Variants in ZBTB46 observed in about 807,000 individuals in gnomAD.
The protein encoded by ZBTB46 is zinc finger and BTB domain-containing protein 46.
In ZBTB46, 8 loss-of-function variants were observed where a neutral mutation model predicts 44.1. That is an observed-to-expected ratio of 0.18 (90% CI 0.11 to 0.33). ZBTB46 has a LOEUF of 0.33. ZBTB46 is among the 10% of genes least tolerant of loss of function. The pLI, the probability that ZBTB46 is intolerant of heterozygous loss-of-function variation, is 1.00. For synonymous variants in ZBTB46, 409 were observed against 382.3 expected (o/e 1.07, Z -0.81); for missense variants, 651 against 847.7 (o/e 0.77, Z 2.88).
At chr20:63,755,610 C>T (rs113394673) in intron 3 of ZBTB46, among the ~76,000 whole-genome samples, 5 of 152,296 alleles carry the variant, frequency 3.3e-5, no homozygotes, top group African/African-American at 7.2e-5. Flanking sequence ...AGGATCAGGA[C>T]GGAGTGTTCA....
chr20:63,793,226 G>C (rs977024087), intron 1 of ZBTB46, among the ~76,000 whole-genome samples: 13 of 152,208 alleles, frequency 8.5e-5, no homozygotes, highest in Admixed American at 7.9e-4. Flanking sequence ...GTGTGGGTGC[G>C]AGCAGAACAA....
At chr20:63,748,034 C>T (rs2092121570) in intron 4 of ZBTB46, among the ~76,000 whole-genome samples, 1 of 152,222 alleles carries the variant, frequency 6.6e-6, no homozygotes, top group African/African-American at 2.4e-5. Context: ...CACACCTCAG[C>T]CTGGCTGCGT....
At chr20:63,766,500 G>A (rs1336112217) in intron 3 of ZBTB46, among the ~76,000 whole-genome samples, 10 of 148,262 alleles carry the variant, frequency 6.7e-5, no homozygotes, top group Non-Finnish European at 1.0e-4. Context: ...ACAGGCATGA[G>A]CCACTGCACC....
At chr20:63,814,281 A>C (rs1321576632) in intron 1 of ZBTB46, among the ~76,000 whole-genome samples, 1 of 151,960 alleles carries the variant, frequency 6.6e-6, no homozygotes, top group African/African-American at 2.4e-5. Context: ...AAGAAAAAAC[A>C]GTGGGAGAGA....
At chr20:63,831,452 C>A (rs1376147713), upstream of ZBTB46, among the ~76,000 whole-genome samples, 2 of 144,482 alleles carry the variant, frequency 1.4e-5, no homozygotes, top group Non-Finnish European at 3.1e-5. Flanking sequence ...CCTCGCTCGG[C>A]TCCCGGCGCC....
chr20:63,797,222 A>C (rs938305936), intron 1 of ZBTB46, among the ~76,000 whole-genome samples: 1 of 134,914 alleles, frequency 7.4e-6, no homozygotes, highest in Non-Finnish European at 1.5e-5. Flanking sequence ...CTCATTGTTC[A>C]ATTCCCACCT....
intron 1 of ZBTB46, among the ~76,000 whole-genome samples, chr20:63,817,139 G>A (rs925236527): frequency 6.6e-6 from 1 of 151,928 alleles, no homozygotes; most frequent in Non-Finnish European, 1.5e-5. Context: ...AAAGGAAAGG[G>A]CCAGATGTGG....
chr20:63,796,460 C>T (rs1044754221), intron 1 of ZBTB46, among the ~76,000 whole-genome samples: 1 of 152,268 alleles, frequency 6.6e-6, no homozygotes, highest in Non-Finnish European at 1.5e-5. Context: ...CACATTCACA[C>T]TTGATCTCTC....
intron 2 of ZBTB46, among the ~76,000 whole-genome samples, chr20:63,779,933 G>GA (rs1179347923): frequency 6.6e-6 from 1 of 152,056 alleles, no homozygotes; most frequent in Non-Finnish European, 1.5e-5. Context: ...ACACATAAAA[G>GA]AAATCAGGAT....
intron 1 of ZBTB46, among the ~76,000 whole-genome samples, chr20:63,830,629 G>C (rs1263876288): frequency 6.7e-6 from 1 of 149,766 alleles, no homozygotes; most frequent in Non-Finnish European, 1.5e-5. Flanking sequence ...CCGGCGGGGG[G>C]CGCGGGCGGG....
chr20:63,796,168 G>A (rs1601489902), intron 1 of ZBTB46, among the ~76,000 whole-genome samples: 4 of 152,326 alleles, frequency 2.6e-5, no homozygotes, highest in Admixed American at 6.5e-5. Flanking sequence ...TTTTCCCCGC[G>A]TCCCTAAGGA....
At chr20:63,789,529 G>A (rs953901223) in intron 2 of ZBTB46, among the ~76,000 whole-genome samples, 3 of 152,202 alleles carry the variant, frequency 2.0e-5, no homozygotes, top group Non-Finnish European at 4.4e-5. Context: ...CCCGGCTCAC[G>A]TCCCTGTGGC....
chr20:63,782,739 C>T (rs1170272488), intron 2 of ZBTB46, among the ~76,000 whole-genome samples: 6 of 152,144 alleles, frequency 3.9e-5, no homozygotes, highest in Non-Finnish European at 8.8e-5. Flanking sequence ...TGGCTGCGGC[C>T]GTGAGTCCCT....
chr20:63,832,393 C>T (rs1408301322), upstream of ZBTB46, among the ~76,000 whole-genome samples: 2 of 152,190 alleles, frequency 1.3e-5, no homozygotes, highest in Non-Finnish European at 2.9e-5. The surrounding 1 kb of genome is among the most constrained non-coding windows in gnomAD (Gnocchi z 5.0). Context: ...CCCGGCCAAC[C>T]AATGGGGAGG....
At chr20:63,830,698 C>T (rs2092845204) in intron 1 of ZBTB46, among the ~76,000 whole-genome samples, 1 of 149,200 alleles carries the variant, frequency 6.7e-6, no homozygotes, top group African/African-American at 2.4e-5. Flanking sequence ...CAGAAATTAC[C>T]AGCTGGAAAA....
chr20:63,787,964 C>G lies in ZBTB46; in HGVS notation c.937+1857G>C, dbSNP rs754406094. 1 of 152,350 alleles carries G rather than the reference C, an allele frequency of 6.6e-6. No homozygotes were observed. Among genetic ancestry groups the G allele is most frequent in the African/African-American group, 2.4e-5 (1 of 41,460 alleles). The allele number at this position is 152,350 out of a possible 1,614,324, so 9.4% of individuals were successfully genotyped here. On this transcript the variant is annotated intron_variant, in intron 2 of 4. Coordinates refer to ENST00000245663, the MANE Select transcript of ZBTB46 (RefSeq NM_001369741.1). The surrounding 1 kb of genome is among the most constrained non-coding windows in gnomAD (Gnocchi z 4.6). ...CGTCTCCCACTGCGCCACCCACACA[C>G]GGCATCTGCGACATTTTTCAGGGCC...
At chr20:63,818,977 G>A (rs535854163) in intron 1 of ZBTB46, among the ~76,000 whole-genome samples, 4 of 151,518 alleles carry the variant, frequency 2.6e-5, no homozygotes, top group East Asian at 1.9e-4. Flanking sequence ...GTTCAAGACC[G>A]CCTGACCAAC....
intron 1 of ZBTB46, among the ~76,000 whole-genome samples, chr20:63,808,984 AAAAAAAAAAAAAAAAGAAAAAG>A (rs2092701121): frequency 6.8e-6 from 1 of 147,170 alleles, no homozygotes; most frequent in Non-Finnish European, 1.5e-5. Context: ...TTCAAAAAAA[AAAAAAAAAAAAAAAAGAAAAAG>A]AAAAAAAAAA....
At chr20:63,751,997 G>A (rs988641672) in intron 4 of ZBTB46, among the ~76,000 whole-genome samples, 4 of 152,088 alleles carry the variant, frequency 2.6e-5, no homozygotes, top group Non-Finnish European at 5.9e-5. Flanking sequence ...CGGAGCCCGG[G>A]GCGCCTCCAC....
Sources: allele counts gnomAD v4.1 joint callset (sites outside exome capture counted in the v4.1 genomes callset), GRCh38; gene constraint gnomAD v4.1.1; non-coding constraint Gnocchi (gnomAD v3.1); transcripts MANE v1.5; gene names NCBI Gene and HGNC (gene_info 2026-07-23, HGNC 2026-07-21).